The following NCEH1 variants were observed in gnomAD, a reference collection of about 807,000 sequenced individuals.
NCEH1 encodes the protein neutral cholesterol ester hydrolase 1.
Under a neutral mutation model 25.4 loss-of-function variants are expected in NCEH1, and 9 were observed. The ratio of observed to expected loss-of-function variants is 0.35; its 90% confidence interval spans 0.21 to 0.62. The LOEUF is 0.62. Among genes scored for constraint, NCEH1 ranks in the 20% least tolerant of loss-of-function variants. NCEH1 has a pLI of 0.72. For synonymous variants in NCEH1, 200 were observed against 199.8 expected, an observed-to-expected ratio of 1.00 and a Z score of -0.01; for missense variants, 412 against 501.1, an observed-to-expected ratio of 0.82 and a Z score of 1.70.
chr3:172,697,685 G>C (rs77266283), intron 1 of NCEH1, among the ~76,000 whole-genome samples: 2,774 of 152,226 alleles, frequency 0.018, 90 homozygotes, highest in African/African-American at 0.064. Context: ...GAGGGAGAAG[G>C]GGAAGACAGA....
At chr3:172,705,041 T>G (rs1281184904) in intron 1 of NCEH1, among the ~76,000 whole-genome samples, 3 of 152,252 alleles carry the variant, frequency 2.0e-5, no homozygotes, top group African/African-American at 7.2e-5. Flanking sequence ...AAAGTCTTTT[T>G]AAAAGAAATT....
At chr3:172,687,830 C>T (rs1304344630) in intron 1 of NCEH1, among the ~76,000 whole-genome samples, 1 of 152,144 alleles carries the variant, frequency 6.6e-6, no homozygotes, top group Non-Finnish European at 1.5e-5. Context: ...ATAACATGTG[C>T]AGGTCAGTCT....
chr3:172,679,672 A>C (rs372131089), intron 1 of NCEH1, among the ~76,000 whole-genome samples: 108 of 152,056 alleles, frequency 7.1e-4, no homozygotes, highest in African/African-American at 2.4e-3. Context: ...CAACCCCTGA[A>C]TCATCTCTTT....
intron 1 of NCEH1, among the ~76,000 whole-genome samples, chr3:172,704,426 A>G (rs1426537974): frequency 6.6e-6 from 1 of 152,212 alleles, no homozygotes; most frequent in Non-Finnish European, 1.5e-5. Flanking sequence ...CTCTCTTGGG[A>G]CACCATTATT....
intron 1 of NCEH1, among the ~76,000 whole-genome samples, chr3:172,653,765 T>TGTTTTTTG (rs546964889): frequency 7.4e-6 from 1 of 134,382 alleles, no homozygotes; most frequent in African/African-American, 3.0e-5. Flanking sequence ...TTTTTGTTTT[T>TGTTTTTTG]TTTTTTTTTT....
chr3:172,638,947 C>T (rs747176115), intron 3 of NCEH1, among the ~76,000 whole-genome samples: 4 of 152,166 alleles, frequency 2.6e-5, no homozygotes. Context: ...AACCCCTCCC[C>T]TCATCTGTTT....
chr3:172,705,616 C>T (rs1259109645), intron 1 of NCEH1, among the ~76,000 whole-genome samples: 1 of 152,196 alleles, frequency 6.6e-6, no homozygotes, highest in Non-Finnish European at 1.5e-5. Flanking sequence ...CAGCCTCCTG[C>T]CAATGCCCCT....
At chr3:172,693,037 TA>T (rs1713154018) in intron 1 of NCEH1, among the ~76,000 whole-genome samples, 1 of 152,192 alleles carries the variant, frequency 6.6e-6, no homozygotes, top group African/African-American at 2.4e-5. Flanking sequence ...TCCTCAGACT[TA>T]CAGGGGCTTC....
intron 1 of NCEH1, among the ~76,000 whole-genome samples, chr3:172,670,448 T>C (rs1189943695): frequency 6.6e-6 from 1 of 152,206 alleles, no homozygotes; most frequent in Non-Finnish European, 1.5e-5. Flanking sequence ...CAGAAGCATG[T>C]TTGGGATATC....
At chr3:172,643,762 C>T (rs933360731) in intron 3 of NCEH1, among the ~76,000 whole-genome samples, 4 of 152,122 alleles carry the variant, frequency 2.6e-5, no homozygotes, top group African/African-American at 9.7e-5. Flanking sequence ...TGCACGGTGC[C>T]AACTGAAGCA....
At chr3:172,670,275 T>C (rs568499569) in intron 1 of NCEH1, among the ~76,000 whole-genome samples, 91 of 152,240 alleles carry the variant, frequency 6.0e-4, no homozygotes, top group Admixed American at 9.8e-4. Context: ...GCTGTCAGCC[T>C]TTCTCCTTTA....
chr3:172,653,753 T>TTG lies in NCEH1; in HGVS notation c.139-5640_139-5639insCA, dbSNP rs1553830348. Among the ~76,000 whole-genome samples the TTG allele has an allele frequency of 4.5e-3, 384 of 85,986 alleles. 5 individuals are homozygous for TTG. The highest frequency in any genetic ancestry group is 7.2e-3 in the Non-Finnish European group (293 of 40,732). The allele number at this position is 85,986 out of a possible 152,430, so 56.4% of individuals were successfully genotyped here. A position where few individuals can be genotyped will look rare whatever the true frequency, so the allele number is the denominator to read the frequency against. On this transcript the variant is annotated intron_variant, in intron 1 of 4. Transcript: ENST00000475381. Reference sequence around the variant, plus strand: ...TTGTTCTGTTTTTTTTGTTTTTTTGTTTTTTTGTTTTTTTTTTTTTTTGAG... The same window carrying TTG: ...TTGTTCTGTTTTTTTTGTTTTTTTGTTGTTTTTTGTTTTTTTTTTTTTTTGAG...
At chr3:172,697,751 C>G (rs1460124149) in intron 1 of NCEH1, among the ~76,000 whole-genome samples, 3 of 152,094 alleles carry the variant, frequency 2.0e-5, no homozygotes, top group African/African-American at 4.8e-5. Context: ...GCAATGGGGT[C>G]CAGCAGACCT....
chr3:172,645,707 G>C lies in NCEH1; in HGVS notation c.368-15C>G. 4 of 1,547,576 alleles carry C rather than the reference G, an allele frequency of 2.6e-6. No homozygotes were observed. Among genetic ancestry groups the C allele is most frequent in the Non-Finnish European group, 3.5e-6 (4 of 1,132,400 alleles). Reference sequence around the variant, plus strand: ...ATACCTGATTTCTAAAAGACACAAAGGGAACAATCATTACAAAACAGGTCA... The same window carrying C: ...ATACCTGATTTCTAAAAGACACAAACGGAACAATCATTACAAAACAGGTCA... On this transcript the variant is annotated splice_polypyrimidine_tract_variant and intron_variant, in intron 2 of 4. Coordinates refer to ENST00000475381, the MANE Select transcript of NCEH1 (RefSeq NM_020792.6).
At chr3:172,650,811 CGAAAAAAA>C (rs373963179) in intron 1 of NCEH1, among the ~76,000 whole-genome samples, 20,135 of 89,642 alleles carry the variant, frequency 0.22, 1,272 homozygotes, top group Middle Eastern at 0.32. Context: ...GACTCTGCCT[CGAAAAAAA>C]AAAAAAAAAA....
At chr3:172,701,449 C>CTTTTTT (rs10701435) in intron 1 of NCEH1, among the ~76,000 whole-genome samples, 19 of 110,940 alleles carry the variant, frequency 1.7e-4, no homozygotes, top group African/African-American at 5.4e-4. Flanking sequence ...GGTCTTTTGC[C>CTTTTTT]TTTTTTTTTT....
chr3:172,659,558 G>A (rs1435251805), intron 1 of NCEH1, among the ~76,000 whole-genome samples: 2 of 152,138 alleles, frequency 1.3e-5, no homozygotes, highest in Non-Finnish European at 2.9e-5. Flanking sequence ...TCCCCTAGCT[G>A]TGCAGCCAGG....
chr3:172,643,321 C>T (rs188735682), intron 3 of NCEH1, among the ~76,000 whole-genome samples: 151 of 152,234 alleles, frequency 9.9e-4, no homozygotes, highest in African/African-American at 3.4e-3. Context: ...AATCCTTGTA[C>T]CTCAGCCTCT....
intron 4 of NCEH1, among the ~76,000 whole-genome samples, chr3:172,634,534 G>A (rs908833605): frequency 6.6e-5 from 10 of 152,190 alleles, no homozygotes; most frequent in African/African-American, 1.9e-4. Context: ...TGAGACTCCT[G>A]AGTGTTTAAG....
Sources: allele counts gnomAD v4.1 joint callset (sites outside exome capture counted in the v4.1 genomes callset), GRCh38; gene constraint gnomAD v4.1.1; transcripts MANE v1.5; gene names NCBI Gene and HGNC (gene_info 2026-07-23, HGNC 2026-07-21).